SNTG1: variants seen among roughly 807,000 people sequenced by gnomAD.
SNTG1 encodes the protein syntrophin gamma 1, also known as gamma-1-syntrophin.
In SNTG1, 39 loss-of-function variants were observed where a neutral mutation model predicts 74.7. The observed-to-expected ratio is 0.52, with a 90% CI of 0.40 to 0.68. The LOEUF (loss-of-function observed/expected upper bound fraction) is 0.68. Ranked by LOEUF, SNTG1 falls within the 30% of genes least tolerant of loss-of-function variation. SNTG1 has a pLI of 0.00. For missense variants in SNTG1, 685 were observed against 609.5 expected, an observed-to-expected ratio of 1.12 and a Z score of -1.30; for synonymous variants, 254 against 217.1, an observed-to-expected ratio of 1.17 and a Z score of -1.49.
At chr8:50,339,314 G>A (rs1020987483) in intron 2 of SNTG1, among the ~76,000 whole-genome samples, 2 of 151,792 alleles carry the variant, frequency 1.3e-5, no homozygotes, top group Non-Finnish European at 2.9e-5. Flanking sequence ...TCTTCAGAGA[G>A]AAGAAAAATG....
At chr8:50,027,636 A>G (rs1190548905) in intron 1 of SNTG1, among the ~76,000 whole-genome samples, 1 of 152,150 alleles carries the variant, frequency 6.6e-6, no homozygotes, top group East Asian at 1.9e-4. Context: ...CTTCGTTAGG[A>G]GAGCATAGGC....
At chr8:50,299,045 A>G (rs2089522086) in intron 2 of SNTG1, among the ~76,000 whole-genome samples, 1 of 152,200 alleles carries the variant, frequency 6.6e-6, no homozygotes, top group African/African-American at 2.4e-5. Flanking sequence ...CAAAATTCCC[A>G]TGGAAACAAA....
rs760796799 is a variant in SNTG1, at chr8:50,188,976, G to A, written c.-28+16341G>A. ...CTGGATCTGTTCAGAGCCCTTTTGT[G>A]TTCTGGGCCTCACCCAGCATTAGCA... On this transcript the variant is annotated intron_variant, in intron 2 of 18. Transcript: ENST00000642720. 6.3e-4 allele frequency among the ~76,000 whole-genome samples: 96 copies of A among 152,122 alleles called. 1 individual carries two copies. Among genetic ancestry groups the A allele is most frequent in the Non-Finnish European group, 1.2e-3 (79 of 68,026 alleles).
chr8:50,530,908 G>A (rs955118590), intron 10 of SNTG1, among the ~76,000 whole-genome samples: 1 of 152,048 alleles, frequency 6.6e-6, no homozygotes, highest in South Asian at 2.1e-4. Flanking sequence ...CATTCTTAAA[G>A]AAATAATTTT....
intron 1 of SNTG1, among the ~76,000 whole-genome samples, chr8:49,935,201 AAG>A (rs1491517238): frequency 7.2e-4 from 68 of 94,414 alleles, no homozygotes; most frequent in Non-Finnish European, 1.3e-3. Context: ...AGCCAAGCAG[AAG>A]TGTGTGTGTG....
chr8:50,037,461 C>T (rs1818263240), intron 1 of SNTG1, among the ~76,000 whole-genome samples: 1 of 152,072 alleles, frequency 6.6e-6, no homozygotes, highest in African/African-American at 2.4e-5. Flanking sequence ...CTCGTGCTCC[C>T]TAATGCTGAA....
At chr8:50,525,817 G>A (rs1314811380) in intron 9 of SNTG1, among the ~76,000 whole-genome samples, 1 of 140,612 alleles carries the variant, frequency 7.1e-6, no homozygotes, top group Non-Finnish European at 1.5e-5. Flanking sequence ...TGATTATTTT[G>A]TGTTTTTAAA....
At chr8:50,276,484 A>G (rs2088120144) in intron 2 of SNTG1, among the ~76,000 whole-genome samples, 2 of 151,656 alleles carry the variant, frequency 1.3e-5, no homozygotes, top group South Asian at 2.1e-4. Context: ...TATACCTAGA[A>G]GGCAATGATT....
intron 2 of SNTG1, among the ~76,000 whole-genome samples, chr8:50,357,839 A>C (rs543581656): frequency 6.6e-6 from 1 of 152,364 alleles, no homozygotes; most frequent in Non-Finnish European, 1.5e-5. Flanking sequence ...CATGGGAGGA[A>C]ATCTAATGTC....
intron 1 of SNTG1, among the ~76,000 whole-genome samples, chr8:50,054,749 G>T (rs1041071941): frequency 6.6e-6 from 1 of 152,012 alleles, no homozygotes; most frequent in Non-Finnish European, 1.5e-5. Context: ...ATGGCTCACC[G>T]CAACCTTGAA....
intron 12 of SNTG1, among the ~76,000 whole-genome samples, chr8:50,571,843 C>T (rs2094550628): frequency 6.6e-6 from 1 of 152,066 alleles, no homozygotes. Flanking sequence ...TAGAAAATTA[C>T]AAAAGAAATC....
chr8:50,738,583 A>G (rs902210565), intron 17 of SNTG1, among the ~76,000 whole-genome samples: 2 of 152,148 alleles, frequency 1.3e-5, no homozygotes, highest in African/African-American at 4.8e-5. Context: ...GAAACTGAAA[A>G]AGAGCCCACA....
intron 5 of SNTG1, among the ~76,000 whole-genome samples, chr8:50,443,444 C>T (rs974860625): frequency 6.6e-5 from 10 of 152,176 alleles, no homozygotes; most frequent in East Asian, 5.8e-4. Context: ...AGATTTAACA[C>T]TACAGCAGTA....
At chr8:50,187,550 G>A (rs965513922) in intron 2 of SNTG1, among the ~76,000 whole-genome samples, 2 of 151,810 alleles carry the variant, frequency 1.3e-5, no homozygotes, top group Non-Finnish European at 2.9e-5. Context: ...ATGTGCTTGG[G>A]CCCATTTTAT....
At chr8:50,665,268 G>C (rs756300880) in intron 15 of SNTG1, among the ~76,000 whole-genome samples, 1 of 151,932 alleles carries the variant, frequency 6.6e-6, no homozygotes, top group African/African-American at 2.4e-5. Flanking sequence ...TATGTTATGC[G>C]GAAGGTGAAA....
At chr8:50,092,904 AT>A (rs2079792582) in intron 1 of SNTG1, among the ~76,000 whole-genome samples, 1 of 152,176 alleles carries the variant, frequency 6.6e-6, no homozygotes, top group Non-Finnish European at 1.5e-5. Flanking sequence ...AGAGAGTGTA[AT>A]TCAATACAGT....
chr8:50,293,259 G>T (rs964421822), intron 2 of SNTG1, among the ~76,000 whole-genome samples: 2 of 152,028 alleles, frequency 1.3e-5, no homozygotes, highest in Non-Finnish European at 2.9e-5. Flanking sequence ...GGCAGGGTTG[G>T]TTCCTCCTGA....
At chr8:50,087,219 C>G (rs191666986) in intron 1 of SNTG1, among the ~76,000 whole-genome samples, 18 of 152,282 alleles carry the variant, frequency 1.2e-4, no homozygotes, top group Admixed American at 1.1e-3. Flanking sequence ...TTTTCAGCTT[C>G]TTCTTTTAGA....
chr8:50,091,328 T>C (rs570256780), intron 1 of SNTG1, among the ~76,000 whole-genome samples: 1 of 152,058 alleles, frequency 6.6e-6, no homozygotes, highest in Admixed American at 6.6e-5. Context: ...TGAAATCTAC[T>C]CTTTTAGCAA....
Sources: allele counts gnomAD v4.1 joint callset (sites outside exome capture counted in the v4.1 genomes callset), GRCh38; gene constraint gnomAD v4.1.1; transcripts MANE v1.5; gene names NCBI Gene and HGNC (gene_info 2026-07-23, HGNC 2026-07-21).